Variants in BLTP3B observed in about 807,000 individuals in gnomAD.
BLTP3B encodes bridge-like lipid transfer protein family member 3B, also known as UHRF1 (ICBP90) binding protein 1-like.
At chr12:100,100,697 G>A in the BLTP3B span, among the ~76,000 whole-genome samples, 1 of 151,338 alleles carries the variant, frequency 6.6e-6, no homozygotes, top group South Asian at 2.1e-4. Context: ...GGGCAACAGA[G>A]TGAGACCCAA....
the BLTP3B span, among the ~76,000 whole-genome samples, chr12:100,109,794 T>C: frequency 1.3e-5 from 2 of 149,910 alleles, no homozygotes; most frequent in Non-Finnish European, 3.0e-5. Flanking sequence ...AGATTGGAAA[T>C]AGTTAATGTA....
At chr12:100,111,067 ACG>A in the BLTP3B span, among the ~76,000 whole-genome samples, 1 of 151,562 alleles carries the variant, frequency 6.6e-6, no homozygotes, top group East Asian at 1.9e-4. Flanking sequence ...AACAATCTAA[ACG>A]TCCCAAGAGG....
At chr12:100,074,568 T>C in the BLTP3B span, among the ~76,000 whole-genome samples, 19 of 144,464 alleles carry the variant, frequency 1.3e-4, no homozygotes, top group African/African-American at 4.4e-4. Context: ...TATTCCAGCC[T>C]GGGCAACAGA....
the BLTP3B span, among the ~76,000 whole-genome samples, chr12:100,046,053 G>C: frequency 6.6e-6 from 1 of 152,130 alleles, no homozygotes; most frequent in African/African-American, 2.4e-5. Flanking sequence ...TTAGAATGGT[G>C]ATCATTAAAA....
the BLTP3B span, among the ~76,000 whole-genome samples, chr12:100,122,811 C>T: frequency 6.6e-6 from 1 of 152,236 alleles, no homozygotes; most frequent in East Asian, 1.9e-4. Context: ...CCCAAACTCC[C>T]CAAAAGCCCT....
At chr12:100,111,601 T>TTGTC in the BLTP3B span, among the ~76,000 whole-genome samples, 107 of 151,854 alleles carry the variant, frequency 7.0e-4, no homozygotes, top group Non-Finnish European at 1.0e-3. Context: ...TTGTTTTTTT[T>TTGTC]TGTTTGTTTG....
the BLTP3B span, among the ~76,000 whole-genome samples, chr12:100,043,687 C>A: frequency 6.6e-6 from 1 of 152,196 alleles, no homozygotes; most frequent in Non-Finnish European, 1.5e-5. Flanking sequence ...AGTTTGTTAA[C>A]TAGATAGGGA....
At chr12:100,083,997 T>C in the BLTP3B span, among the ~76,000 whole-genome samples, 4 of 152,132 alleles carry the variant, frequency 2.6e-5, no homozygotes, top group African/African-American at 7.2e-5. Context: ...GAGACCACCC[T>C]GGCCAACACA....
chr12:100,054,592 A>G, the BLTP3B span, among the ~76,000 whole-genome samples: 42 of 152,232 alleles, frequency 2.8e-4, no homozygotes, highest in African/African-American at 1.0e-3. Context: ...TTTAAATCAT[A>G]AAGGGGGCAC....
the BLTP3B span, among the ~76,000 whole-genome samples, chr12:100,106,177 C>T: frequency 6.6e-6 from 1 of 151,910 alleles, no homozygotes; most frequent in Non-Finnish European, 1.5e-5. Flanking sequence ...AGTAGATCTA[C>T]CATTCGATCC....
chr12:100,106,013 T>C, the BLTP3B span, among the ~76,000 whole-genome samples: 47 of 152,260 alleles, frequency 3.1e-4, no homozygotes, highest in African/African-American at 1.1e-3. Context: ...AGACACCACC[T>C]TTTTCCAGCC....
the BLTP3B span, chr12:100,050,131 C>A: frequency 1.4e-6 from 2 of 1,423,448 alleles, no homozygotes; most frequent in Non-Finnish European, 1.8e-6. Context: ...CATATTAAAC[C>A]ATTGTATATG....
chr12:100,061,644 G>A, the BLTP3B span, among the ~76,000 whole-genome samples: 25 of 134,758 alleles, frequency 1.9e-4, no homozygotes, highest in African/African-American at 6.3e-4. Flanking sequence ...ATGACAGAGC[G>A]AGACTCCGTC....
At chr12:100,083,950 AGGCTGAGGT>A in the BLTP3B span, among the ~76,000 whole-genome samples, 1 of 151,968 alleles carries the variant, frequency 6.6e-6, no homozygotes, top group Admixed American at 6.6e-5. Flanking sequence ...GCACTTTGGG[AGGCTGAGGT>A]GGGCAGATCA....
the BLTP3B span, among the ~76,000 whole-genome samples, chr12:100,141,645 C>T: frequency 6.6e-6 from 1 of 152,086 alleles, no homozygotes; most frequent in South Asian, 2.1e-4. Flanking sequence ...CCCGTGTCTT[C>T]CCAAAATTAG....
the BLTP3B span, among the ~76,000 whole-genome samples, chr12:100,075,889 T>C: frequency 2.8e-3 from 422 of 151,970 alleles, 4 homozygotes; most frequent in African/African-American, 9.6e-3. Flanking sequence ...GACTTACAAG[T>C]GGGAGCTAAA....
the BLTP3B span, among the ~76,000 whole-genome samples, chr12:100,124,936 T>TTATATATATA: frequency 0.023 from 1,279 of 56,002 alleles, 26 homozygotes; most frequent in East Asian, 0.033. Flanking sequence ...AAAAAAAATT[T>TTATATATATA]TATATATATA....
At chr12:100,058,654 G>C in the BLTP3B span, 1 of 1,613,916 alleles carries the variant, frequency 6.2e-7, no homozygotes, top group Non-Finnish European at 8.5e-7. Flanking sequence ...TGATCCACTG[G>C]ATGGAGCAAA....
the BLTP3B span, among the ~76,000 whole-genome samples, chr12:100,088,640 C>A: frequency 8.5e-5 from 13 of 152,074 alleles, no homozygotes; most frequent in Non-Finnish European, 8.8e-5. Flanking sequence ...CATCATCCTC[C>A]TAGAGGATCA....
Sources: allele counts gnomAD v4.1 joint callset (sites outside exome capture counted in the v4.1 genomes callset), GRCh38; gene constraint gnomAD v4.1.1; transcripts MANE v1.5; gene names NCBI Gene and HGNC (gene_info 2026-07-23, HGNC 2026-07-21).